The following KIF20B variants were observed in gnomAD, a reference collection of about 807,000 sequenced individuals.
KIF20B encodes the protein kinesin family member 20B.
Under a neutral mutation model 232.5 loss-of-function variants are expected in KIF20B, and 188 were observed. The ratio of observed to expected loss-of-function variants is 0.81; its 90% CI spans 0.72 to 0.91. The LOEUF (loss-of-function observed/expected upper bound fraction) is 0.91. Ranked by LOEUF, KIF20B falls within the 40% of genes least tolerant of loss-of-function variation. The pLI, the probability that KIF20B is intolerant of heterozygous loss-of-function variation, is 0.00. For missense variants in KIF20B, 2,154 were observed against 2,055.9 expected, an observed-to-expected ratio of 1.05 and a Z score of -0.92; for synonymous variants, 712 against 683.0, an observed-to-expected ratio of 1.04 and a Z score of -0.66.
chr10:89,733,932 A>G (rs2133121109), intron 19 of KIF20B, among the ~76,000 whole-genome samples: 1 of 152,332 alleles, frequency 6.6e-6, no homozygotes, highest in South Asian at 2.1e-4. Context: ...ATTGCATTTG[A>G]GAAATGAAGA....
chr10:89,714,020 A>T, intron 6 of KIF20B, 27 bp from the exon 7 acceptor site: 2 of 1,213,422 alleles, frequency 1.6e-6, no homozygotes, highest in Non-Finnish European at 2.3e-6. Flanking sequence ...ATGTTTTTTT[A>T]ATTTTTTAAA....
intron 2 of KIF20B, among the ~76,000 whole-genome samples, 198 bp from the exon 3 acceptor site, chr10:89,708,969 A>G (rs1842782549): frequency 6.6e-6 from 1 of 152,118 alleles, no homozygotes; most frequent in African/African-American, 2.4e-5. Flanking sequence ...AGGAAATTGG[A>G]TCTTTTTTGG....
At chr10:89,757,726 A>G (rs1031646337) in intron 26 of KIF20B, among the ~76,000 whole-genome samples, 1 of 148,440 alleles carries the variant, frequency 6.7e-6, no homozygotes, top group Admixed American at 6.7e-5. Flanking sequence ...TGATGTGGAA[A>G]TATTTATTGA....
At chr10:89,713,393 C>T (rs1056499269) in intron 6 of KIF20B, among the ~76,000 whole-genome samples, 4 of 150,454 alleles carry the variant, frequency 2.7e-5, no homozygotes, top group African/African-American at 7.3e-5. Context: ...ACAAGTTATC[C>T]AGTTAAAACA....
chr10:89,735,148 T>C (rs1374668567), intron 19 of KIF20B, among the ~76,000 whole-genome samples: 1 of 152,184 alleles, frequency 6.6e-6, no homozygotes, highest in Non-Finnish European at 1.5e-5. Context: ...AGTAACAAAA[T>C]TAATGTAACT....
At chr10:89,772,198 A>G (rs551567307) in intron 31 of KIF20B, among the ~76,000 whole-genome samples, 1 of 152,160 alleles carries the variant, frequency 6.6e-6, no homozygotes, top group African/African-American at 2.4e-5. Flanking sequence ...CCTAAAAGCA[A>G]TCAGCTGTTA....
At chr10:89,756,812 T>A (rs1842128462) in intron 26 of KIF20B, among the ~76,000 whole-genome samples, 1 of 152,074 alleles carries the variant, frequency 6.6e-6, no homozygotes, top group Non-Finnish European at 1.5e-5. Flanking sequence ...TTCACTATTT[T>A]ATGTTTGTGA....
Position 89,726,284 on chromosome 10 carries a change from T to G in KIF20B, c.2002-9T>G. ...TTAATATTAGGCATGTGGTTTTTGC[T>G]ATTTTTAGGAAACACATAATTATGT... On this transcript the variant is annotated splice_polypyrimidine_tract_variant and intron_variant, in intron 15 of 32. Coordinates refer to ENST00000371728, the MANE Select transcript of KIF20B (RefSeq NM_001284259.2). 1.3e-6 allele frequency: 2 copies of G among 1,541,744 alleles called. No individual in the cohort carries two copies. Among genetic ancestry groups the G allele is most frequent in the East Asian group, 2.5e-5 (1 of 40,650 alleles).
rs1181019767 is a variant in KIF20B at position 89,755,548 on chromosome 10, T to TCCCTTCCCCGTGCCCATC, written c.4503+885_4503+902dup. Among the ~76,000 whole-genome samples, 5 of 149,728 alleles carry TCCCTTCCCCGTGCCCATC rather than the reference T, an allele frequency of 3.3e-5. No individual in the cohort carries two copies. The East Asian group carries it at 6.0e-4, about 18-fold the overall frequency. Reference sequence around the variant, plus strand: ...TTCTTCCTTTCCTTCCTTTCTCCTTTCCCTTCCCCGTGCCCATCCCCTTCC... The same window carrying TCCCTTCCCCGTGCCCATC: ...TTCTTCCTTTCCTTCCTTTCTCCTTTCCCTTCCCCGTGCCCATCCCCTTCCCCGTGCCCATCCCCTTCC... On this transcript the variant is annotated intron_variant, in intron 26 of 32. Coordinates refer to ENST00000371728, the MANE Select transcript of KIF20B (RefSeq NM_001284259.2).
chr10:89,763,756 A>G (rs1842292982), intron 29 of KIF20B, among the ~76,000 whole-genome samples: 1 of 151,790 alleles, frequency 6.6e-6, no homozygotes. Flanking sequence ...TTTTGGAACA[A>G]TGGATTAATG....
Position 89,705,374 on chromosome 10 carries a change from A to C in KIF20B, c.80A>C (p.Glu27Ala). ...FSADPIARPS[E>A]INFDGIKLDL... The stretch of plus-strand genomic sequence containing the variant: ...GCTGACCCAATTGCAAGGCCTTCAG[A>C]AATAAATTTCGATGGCATTAAGCTT... Residue 27 changes from glutamate (E) to alanine (A), a missense_variant, in exon 2 of 33, where the codon GAA (glutamate) becomes GCA (alanine). Glu to Ala is a moderately radical substitution (Grantham distance 107). Transcript: ENST00000371728. 1 of 1,614,078 alleles carries C rather than the reference A, an allele frequency of 6.2e-7. No homozygotes were observed. Among genetic ancestry groups the C allele is most frequent in the Non-Finnish European group, 8.5e-7 (1 of 1,179,964 alleles).
At chr10:89,728,436 C>T (rs1302877285) in intron 17 of KIF20B, among the ~76,000 whole-genome samples, 14 of 152,128 alleles carry the variant, frequency 9.2e-5, no homozygotes, top group South Asian at 4.1e-4. Flanking sequence ...CCTTCAAGTG[C>T]TTTTTATTAA....
chr10:89,707,999 A>C (rs1175682907), intron 2 of KIF20B, among the ~76,000 whole-genome samples: 3 of 152,210 alleles, frequency 2.0e-5, no homozygotes, highest in Non-Finnish European at 4.4e-5. Flanking sequence ...TATTCCTAGA[A>C]TAAACCATTC....
chr10:89,732,930 A>C lies in KIF20B; in HGVS notation c.2419A>C (p.Ile807Leu), dbSNP rs752027575. The change falls in exon 19 of 33, where the codon ATA (isoleucine) becomes CTA (leucine). Residue 807 changes from isoleucine (I) to leucine (L), a missense_variant. Physicochemically the swap from Ile to Leu is conservative, Grantham distance 5 (BLOSUM62 2). Transcript: ENST00000371728. Reference sequence around the variant, plus strand: ...CAAGGCTGATACATCTTCTTTAATAATAAACAATAAATTGATTTGTAATGA... The same window carrying C: ...CAAGGCTGATACATCTTCTTTAATACTAAACAATAAATTGATTTGTAATGA... Reference protein sequence around the residue: ...NDKADTSSLIINNKLICNETV... With the variant: ...NDKADTSSLILNNKLICNETV... 18 of 1,604,808 alleles carry C rather than the reference A, an allele frequency of 1.1e-5. No individual in the cohort carries two copies. Among genetic ancestry groups the C allele is most frequent in the Non-Finnish European group, 1.5e-5 (18 of 1,174,890 alleles).
At position 89,729,076 on chromosome 10, in the gene KIF20B, C is replaced by T. The variant is rs1843259629; in HGVS notation, c.2272-52C>T. 1.0e-5 allele frequency: 13 copies of T among 1,258,198 alleles called. No homozygotes were observed. The South Asian group carries it at 1.3e-4, about 13-fold the overall frequency. 77.9% of individuals were successfully genotyped at this position (1,258,198 alleles called of 1,614,324 possible). On this transcript the variant is annotated intron_variant, in intron 17 of 32. Transcript: ENST00000371728. ...TTGCATTATTAATCATATTTGCATTCTAGTTATCCTAAAGTATATTCATGA... is the reference window on the plus strand; with the variant it reads ...TTGCATTATTAATCATATTTGCATTTTAGTTATCCTAAAGTATATTCATGA...
chr10:89,707,874 C>T (rs565513043), intron 2 of KIF20B, among the ~76,000 whole-genome samples: 11 of 152,222 alleles, frequency 7.2e-5, no homozygotes, highest in South Asian at 6.2e-4. Flanking sequence ...TACAGATGGA[C>T]GTTGGATTTT....
chr10:89,757,040 G>GTGTGTGTGTGTATATATATATATA (rs1301847520), intron 26 of KIF20B, among the ~76,000 whole-genome samples: 2 of 110,746 alleles, frequency 1.8e-5, no homozygotes, highest in African/African-American at 6.7e-5. Flanking sequence ...GTGTGTGTGT[G>GTGTGTGTGTGTATATATATATATA]TATATATATA....
rs577724308 is a variant in KIF20B, at chr10:89,765,970, A to G, written c.4990-2320A>G. ...CATTTTGACTTTGCTGAATCTGACA[A>G]TTATGTGTCTTGGAGTTGCTCTTCT... On this transcript the variant is annotated intron_variant, in intron 29 of 32. Transcript: ENST00000371728. 3.3e-5 allele frequency among the ~76,000 whole-genome samples: 5 copies of G among 152,072 alleles called. No homozygotes were observed. The South Asian group carries it at 6.2e-4, about 19-fold the overall frequency.
chr10:89,757,022 T>TTGTGTGTGTGTGTGTG (rs377304425), intron 26 of KIF20B, among the ~76,000 whole-genome samples: 72 of 122,810 alleles, frequency 5.9e-4, no homozygotes, highest in African/African-American at 2.3e-3. Flanking sequence ...TATATCTCTG[T>TTGTGTGTGTGTGTGTG]TGTGTGTGTG....
Sources: allele counts gnomAD v4.1 joint callset (sites outside exome capture counted in the v4.1 genomes callset), GRCh38; gene constraint gnomAD v4.1.1; transcripts MANE v1.5; gene names NCBI Gene and HGNC (gene_info 2026-07-23, HGNC 2026-07-21).